DGKB: variants seen among roughly 807,000 people sequenced by gnomAD.
DGKB encodes diacylglycerol kinase beta, also known as 90 kDa diacylglycerol kinase.
Under a neutral mutation model 114.3 loss-of-function variants are expected in DGKB, and 67 were observed. The ratio of observed to expected loss-of-function variants is 0.59; its 90% CI spans 0.48 to 0.72. DGKB has a LOEUF of 0.72. DGKB is among the 30% of genes least tolerant of loss of function. The pLI is 0.00. For synonymous variants in DGKB, 398 were observed against 323.1 expected, an observed-to-expected ratio of 1.23 and a Z score of -2.49; for missense variants, 907 against 975.2, an observed-to-expected ratio of 0.93 and a Z score of 0.93.
chr7:14,565,783 A>G (rs1375572240), intron 20 of DGKB, among the ~76,000 whole-genome samples: 1 of 152,166 alleles, frequency 6.6e-6, no homozygotes, highest in Non-Finnish European at 1.5e-5. Flanking sequence ...ACTAGAAGAT[A>G]TTCTAGGATG....
intron 19 of DGKB, among the ~76,000 whole-genome samples, chr7:14,577,591 T>C (rs1194562075): frequency 6.6e-6 from 1 of 151,888 alleles, no homozygotes; most frequent in East Asian, 1.9e-4. Flanking sequence ...CACTCCAGCC[T>C]GGGCCAAAGA....
rs1781752512 is a variant in DGKB at position 14,148,734 on chromosome 7, C to CTGAT, written c.*393_*396dup. 2 of 260,288 alleles carry CTGAT rather than the reference C, an allele frequency of 7.7e-6. No homozygotes were observed. Among genetic ancestry groups the CTGAT allele is most frequent in the Non-Finnish European group, 1.5e-5 (2 of 133,602 alleles). The allele number at this position is 260,288 out of a possible 1,614,324, so 16.1% of individuals were successfully genotyped here. Reference sequence around the variant, plus strand: ...TGCAATTATGATCATTGTAGCGTTACTGATTAGTGCTTCGTAATAATTGGA... The same window carrying CTGAT: ...TGCAATTATGATCATTGTAGCGTTACTGATTGATTAGTGCTTCGTAATAATTGGA... On this transcript the variant is annotated 3_prime_UTR_variant, in exon 26 of 26. Transcript: ENST00000402815.
At chr7:14,566,357 G>C (rs1225973822) in intron 20 of DGKB, among the ~76,000 whole-genome samples, 1 of 152,122 alleles carries the variant, frequency 6.6e-6, no homozygotes, top group African/African-American at 2.4e-5. Flanking sequence ...TTTACACAAG[G>C]CAGAGTTTAT....
chr7:14,377,604 T>G (rs1177412987), intron 21 of DGKB, among the ~76,000 whole-genome samples: 1 of 152,212 alleles, frequency 6.6e-6, no homozygotes, highest in Non-Finnish European at 1.5e-5. Context: ...TACTGTGTAC[T>G]TGTAACTTGG....
At chr7:14,953,960 C>T (rs1288125687) in intron 1 of DGKB, among the ~76,000 whole-genome samples, 2 of 152,028 alleles carry the variant, frequency 1.3e-5, no homozygotes, top group African/African-American at 4.8e-5. Flanking sequence ...TGAGCCTTTC[C>T]CACCAGCCCA....
intron 1 of DGKB, among the ~76,000 whole-genome samples, chr7:14,841,985 C>T (rs542858379): frequency 2.7e-4 from 41 of 152,264 alleles, no homozygotes; most frequent in African/African-American, 9.9e-4. Context: ...TGTGTAATGA[C>T]AGTAGATGAT....
chr7:14,954,044 G>A (rs550445109), intron 1 of DGKB, among the ~76,000 whole-genome samples: 5 of 152,112 alleles, frequency 3.3e-5, no homozygotes, highest in Non-Finnish European at 7.4e-5. Context: ...TTTTGGTACC[G>A]GTCTAATCAC....
intron 20 of DGKB, among the ~76,000 whole-genome samples, chr7:14,541,048 C>A (rs1454643158): frequency 6.6e-6 from 1 of 152,034 alleles, no homozygotes; most frequent in Non-Finnish European, 1.5e-5. Context: ...CCACAATGAT[C>A]CACTAGTAGC....
rs928892127 is a variant in DGKB, at chr7:14,918,924, G to C, written c.-188+55772C>G. Among the ~76,000 whole-genome samples, 16 of 151,952 alleles carry C rather than the reference G, an allele frequency of 1.1e-4. 2 individuals are homozygous for C. Among genetic ancestry groups the C allele is most frequent in the South Asian group, 1.0e-3 (5 of 4,808 alleles). ...TAAAAATACAAAAAATTAGCCGGGC[G>C]TGGTGGCAGGTGCCTGTAATCCCAG... On this transcript the variant is annotated intron_variant, in intron 1 of 4. Coordinates refer to the DGKB transcript ENST00000437998.
At chr7:14,648,215 G>A (rs1278518313) in intron 13 of DGKB, among the ~76,000 whole-genome samples, 1 of 152,212 alleles carries the variant, frequency 6.6e-6, no homozygotes, top group Non-Finnish European at 1.5e-5. Flanking sequence ...CAAAAAGACA[G>A]CAGTAACCTC....
At chr7:14,558,951 C>G (rs904135138) in intron 20 of DGKB, among the ~76,000 whole-genome samples, 2 of 152,154 alleles carry the variant, frequency 1.3e-5, no homozygotes, top group African/African-American at 2.4e-5. Flanking sequence ...CTCCAGCATC[C>G]ATTTGAATCA....
chr7:14,269,876 A>T (rs981765460), intron 23 of DGKB, among the ~76,000 whole-genome samples: 2 of 152,074 alleles, frequency 1.3e-5, no homozygotes, highest in Admixed American at 1.3e-4. Context: ...AGTTTCTTTA[A>T]ATATGTGGCA....
intron 2 of DGKB, among the ~76,000 whole-genome samples, chr7:14,817,591 G>A (rs1432973364): frequency 1.3e-5 from 2 of 152,096 alleles, no homozygotes; most frequent in Non-Finnish European, 2.9e-5. Context: ...CTTTATTGAG[G>A]CATTTCATAT....
intron 25 of DGKB, among the ~76,000 whole-genome samples, chr7:14,152,384 G>A (rs1264180689): frequency 6.6e-6 from 1 of 151,958 alleles, no homozygotes; most frequent in Non-Finnish European, 1.5e-5. Context: ...ATTTGAAAGA[G>A]GATACTGGGC....
At chr7:14,604,343 C>G (rs985181995) in intron 17 of DGKB, among the ~76,000 whole-genome samples, 2 of 151,618 alleles carry the variant, frequency 1.3e-5, no homozygotes, top group African/African-American at 4.8e-5. Flanking sequence ...AGTTTTAGTT[C>G]AAGAAAGTTA....
intron 22 of DGKB, 145 bp downstream of exon 22, chr7:14,345,156 G>T: frequency 1.8e-6 from 1 of 557,692 alleles, no homozygotes. Flanking sequence ...CCAAATGAGT[G>T]AAAGGAATGA....
chr7:14,179,425 G>A (rs1404620007), intron 23 of DGKB, among the ~76,000 whole-genome samples: 1 of 152,158 alleles, frequency 6.6e-6, no homozygotes, highest in Non-Finnish European at 1.5e-5. Flanking sequence ...AGAAAAACTA[G>A]AGGAGTGGAA....
chr7:14,729,319 T>C (rs1354645929), intron 5 of DGKB, among the ~76,000 whole-genome samples: 1 of 151,728 alleles, frequency 6.6e-6, no homozygotes, highest in Non-Finnish European at 1.5e-5. Context: ...AGACCAGGTT[T>C]CACCGTGTTA....
chr7:14,399,951 AT>A (rs1000492495), intron 21 of DGKB, among the ~76,000 whole-genome samples: 6 of 151,964 alleles, frequency 3.9e-5, no homozygotes, highest in African/African-American at 1.4e-4. Context: ...AATTTAGAAT[AT>A]TACAAAAAAC....
Sources: gnomAD v4.1 joint callset for allele counts (sites outside exome capture counted in the v4.1 genomes callset) on GRCh38, gnomAD v4.1.1 for gene constraint, MANE v1.5 for transcripts, NCBI Gene and HGNC (gene_info 2026-07-23, HGNC 2026-07-21) for gene names.